MARK3: variants seen among roughly 807,000 people sequenced by gnomAD.
MARK3 encodes the protein microtubule affinity regulating kinase 3, also known as MAP/microtubule affinity-regulating kinase 3.
In MARK3, 46 loss-of-function variants were observed where a neutral mutation model predicts 90.1. That is an observed-to-expected ratio of 0.51 (90% CI 0.40 to 0.65). The LOEUF is 0.65. Ranked by LOEUF, MARK3 falls within the 30% of genes least tolerant of loss-of-function variation. The probability of loss-of-function intolerance (pLI) is 0.00; values close to 1 mark genes in which losing one functional copy is unlikely to be tolerated. For missense variants in MARK3, 818 were observed against 947.2 expected (o/e 0.86, Z 1.79); for synonymous variants, 321 against 332.6 (o/e 0.97, Z 0.38).
chr14:103,403,505 T>C (rs1463940866), intron 1 of MARK3, among the ~76,000 whole-genome samples: 1 of 152,202 alleles, frequency 6.6e-6, no homozygotes, highest in Non-Finnish European at 1.5e-5. Flanking sequence ...CTAATATTTA[T>C]TGAGTAGCAG....
At chr14:103,500,392 AT>A (rs1224002781) in intron 17 of MARK3, among the ~76,000 whole-genome samples, 192 bp downstream of exon 17, 2 of 152,160 alleles carry the variant, frequency 1.3e-5, no homozygotes, top group African/African-American at 4.8e-5. Flanking sequence ...TCCGCTCTAC[AT>A]TTGTGTTTGT....
intron 2 of MARK3, among the ~76,000 whole-genome samples, chr14:103,413,260 A>G (rs538356786): frequency 1.3e-5 from 2 of 152,208 alleles, no homozygotes; most frequent in African/African-American, 4.8e-5. Context: ...GTTTTATATA[A>G]TGCTTGTTAA....
intron 12 of MARK3, 134 bp from the exon 13 acceptor site, chr14:103,474,859 T>C (rs2093688893): frequency 3.1e-6 from 2 of 651,968 alleles, no homozygotes; most frequent in South Asian, 3.9e-5. Flanking sequence ...GTGGGAAACA[T>C]CTTAGAGGAT....
At chr14:103,465,519 G>T in intron 7 of MARK3, 38 bp from the exon 8 acceptor site, 1 of 1,405,422 alleles carries the variant, frequency 7.1e-7, no homozygotes. Flanking sequence ...ATTCTATTTT[G>T]GCTAAATTTC....
intron 2 of MARK3, among the ~76,000 whole-genome samples, chr14:103,414,639 A>G (rs1429208722): frequency 6.6e-6 from 1 of 152,230 alleles, no homozygotes; most frequent in Non-Finnish European, 1.5e-5. Context: ...GAAGAGTGGC[A>G]TTGATGATTT....
In MARK3 at chr14:103,385,636, G is replaced by T. The variant is rs944838686; in HGVS notation, c.-394G>T. Reference sequence around the variant, plus strand: ...CTCCTCGTTTTCAGGCGCCGCCGGCGGCGCTGTGTGGAGGCCCGCGAGCTG... The same window carrying T: ...CTCCTCGTTTTCAGGCGCCGCCGGCTGCGCTGTGTGGAGGCCCGCGAGCTG... On this transcript the variant is annotated 5_prime_UTR_variant, in exon 1 of 18. Transcript: ENST00000429436. The T allele has an allele frequency of 8.9e-4, 152 of 171,006 alleles. 1 individual carries two copies. Among genetic ancestry groups the T allele is most frequent in the African/African-American group, 3.5e-3 (148 of 42,192 alleles). The allele number at this position is 171,006 out of a possible 1,614,324, so 10.6% of individuals were successfully genotyped here.
At chr14:103,425,838 A>G (rs970169979) in intron 2 of MARK3, among the ~76,000 whole-genome samples, 1 of 151,934 alleles carries the variant, frequency 6.6e-6, no homozygotes, top group African/African-American at 2.4e-5. Flanking sequence ...TAGCCCATCC[A>G]CTCCAGGGTC....
chr14:103,438,505 C>A (rs8016676), intron 3 of MARK3, among the ~76,000 whole-genome samples: 52,054 of 151,990 alleles, frequency 0.34, 9,390 homozygotes, highest in East Asian at 0.5. Context: ...AACAAAGGAA[C>A]ATATGGAAAT....
chr14:103,466,403 G>A lies in MARK3; in HGVS notation c.958G>A (p.Val320Ile). Reference protein sequence around the residue: ...GHEEDELKPFVEPELDISDQK... With the variant: ...GHEEDELKPFIEPELDISDQK... The stretch of plus-strand genomic sequence containing the variant: ...TGAAGAAGATGAACTCAAACCATTT[G>A]TTGAACCAGAGCTAGACATCTCAGA... The change falls in exon 10 of 18, where the codon GTT becomes ATT. Residue 320 changes from valine (V) to isoleucine (I), a missense_variant. Coordinates refer to ENST00000429436, the MANE Select transcript of MARK3 (RefSeq NM_001128918.3). 2 of 1,613,960 alleles carry A rather than the reference G, an allele frequency of 1.2e-6. No individual in the cohort carries two copies. Among genetic ancestry groups the A allele is most frequent in the Non-Finnish European group, 1.7e-6 (2 of 1,179,902 alleles).
Position 103,467,203 on chromosome 14 carries a change from C to A in MARK3, c.1110+12C>A. 1 of 1,340,702 alleles carries A rather than the reference C, an allele frequency of 7.5e-7. No homozygotes were observed. The highest frequency in any genetic ancestry group is 1.1e-6 in the Non-Finnish European group (1 of 946,902). 83.1% of individuals were successfully genotyped at this position (1,340,702 alleles called of 1,614,324 possible). On this transcript the variant is annotated intron_variant, in intron 11 of 17. Transcript: ENST00000429436. ...GAAAATCTTCAGAGGTAAGAGTAAT[C>A]AGAAAGAGCTGAAATACCCTGTATG...
chr14:103,450,632 A>C (rs2141324291), intron 4 of MARK3, among the ~76,000 whole-genome samples: 1 of 152,302 alleles, frequency 6.6e-6, no homozygotes, highest in Admixed American at 6.5e-5. Context: ...GTCTGAACGT[A>C]TCAGAGTCTA....
intron 6 of MARK3, 26 bp from the exon 7 acceptor site, chr14:103,462,379 A>G: frequency 6.4e-7 from 1 of 1,563,462 alleles, no homozygotes; most frequent in Non-Finnish European, 8.8e-7. Flanking sequence ...ACCAGTGATG[A>G]CTGACTCTGC....
rs958281750 is a variant in MARK3, at chr14:103,412,406, C to T, written c.243+7139C>T. The T allele has an allele frequency of 6.3e-5, 37 of 590,836 alleles. 1 individual carries two copies. In the East Asian group the frequency reaches 7.4e-4, roughly 12 times the overall value. 36.6% of individuals were successfully genotyped at this position (590,836 alleles called of 1,614,324 possible). On this transcript the variant is annotated intron_variant, in intron 2 of 17. Transcript: ENST00000429436. The stretch of plus-strand genomic sequence containing the variant: ...CTTTGTTAGGCCTATGCCGAGGATT[C>T]GTGGGATTTGCTTTATCAGAGACTC...
chr14:103,413,613 A>ATTTATTTAT (rs1555375538), intron 2 of MARK3, among the ~76,000 whole-genome samples: 15 of 147,700 alleles, frequency 1.0e-4, no homozygotes, highest in East Asian at 2.0e-4. Flanking sequence ...TATTTTATTT[A>ATTTATTTAT]TTTATTTTAT....
intron 3 of MARK3, among the ~76,000 whole-genome samples, chr14:103,444,429 C>T (rs1392622331): frequency 1.3e-5 from 2 of 151,832 alleles, no homozygotes; most frequent in Non-Finnish European, 2.9e-5. Flanking sequence ...TTCTTTTTTC[C>T]AACTAACATC....
intron 2 of MARK3, among the ~76,000 whole-genome samples, chr14:103,421,512 G>A (rs973292828): frequency 6.6e-6 from 1 of 152,150 alleles, no homozygotes; most frequent in African/African-American, 2.4e-5. Context: ...AAAGCTGAGA[G>A]CTCCCAGTAA....
intron 3 of MARK3, among the ~76,000 whole-genome samples, chr14:103,434,273 G>T (rs1003275761): frequency 1.3e-5 from 2 of 152,100 alleles, no homozygotes; most frequent in Admixed American, 1.3e-4. Context: ...CAAGTTGTCC[G>T]CTCTACCATA....
Position 103,386,069 on chromosome 14 carries a change from G to A in MARK3, c.40G>A (p.Asp14Asn). Reference sequence around the variant, plus strand: ...CCCATTGCCAACGGTGAATGAACGAGACACTGAAAACGTAAGTAACCTGGG... The same window carrying A: ...CCCATTGCCAACGGTGAATGAACGAAACACTGAAAACGTAAGTAACCTGGG... ...RTPLPTVNERDTENHTSHGDG... is the reference protein window; with the variant it reads ...RTPLPTVNERNTENHTSHGDG... The change falls in exon 1 of 18, where the codon GAC becomes AAC. Residue 14 changes from aspartate (D) to asparagine (N), a missense_variant. This residue lies in a region of MARK3 where 157 missense variants were observed against 158.7 expected (regional missense o/e 0.99). Transcript: ENST00000429436. The A allele has an allele frequency of 1.9e-6, 3 of 1,614,224 alleles. No individual in the cohort carries two copies. The highest frequency in any genetic ancestry group is 2.5e-6 in the Non-Finnish European group (3 of 1,180,008).
At chr14:103,424,899 A>G (rs1010640201) in intron 2 of MARK3, among the ~76,000 whole-genome samples, 5 of 152,188 alleles carry the variant, frequency 3.3e-5, no homozygotes, top group African/African-American at 1.2e-4. Context: ...GTTACTGATT[A>G]TGAGTGTTCA....
Sources: allele counts gnomAD v4.1 joint callset (sites outside exome capture counted in the v4.1 genomes callset), GRCh38; gene constraint gnomAD v4.1.1; regional missense constraint gnomAD v4.1.1; transcripts MANE v1.5; gene names NCBI Gene and HGNC (gene_info 2026-07-23, HGNC 2026-07-21).